CDH20: variants seen among roughly 807,000 people sequenced by gnomAD.
CDH20 encodes the protein cadherin-20.
In CDH20, 29 loss-of-function variants were observed where a neutral mutation model predicts 74.2. The observed-to-expected ratio is 0.39, with a 90% confidence interval of 0.29 to 0.53. The LOEUF (loss-of-function observed/expected upper bound fraction) is 0.53. Among genes scored for constraint, CDH20 ranks in the 20% least tolerant of loss-of-function variants. The pLI, the probability that CDH20 is intolerant of heterozygous loss-of-function variation, is 0.69. For missense variants in CDH20, 988 were observed against 1,048.3 expected, an observed-to-expected ratio of 0.94 and a Z score of 0.79; for synonymous variants, 469 against 405.4, an observed-to-expected ratio of 1.16 and a Z score of -1.88.
At chr18:61,350,983 C>T (rs776618756) in intron 1 of CDH20, among the ~76,000 whole-genome samples, 2 of 152,174 alleles carry the variant, frequency 1.3e-5, no homozygotes, top group Non-Finnish European at 1.5e-5. Flanking sequence ...GACACATTAG[C>T]GTCTTCCAGT....
chr18:61,334,026 G>T lies in CDH20; in HGVS notation c.-153+199G>T, dbSNP rs577808186. Reference sequence around the variant, plus strand: ...TTCCTCGGACTTAGTGGGAGAAGGGGTTGGAAATGGGCTGCCGGGACTGGG... The same window carrying T: ...TTCCTCGGACTTAGTGGGAGAAGGGTTTGGAAATGGGCTGCCGGGACTGGG... On this transcript the variant is annotated intron_variant, in intron 1 of 11. Transcript: ENST00000262717. 2.0e-5 allele frequency among the ~76,000 whole-genome samples: 3 copies of T among 152,306 alleles called. No homozygotes were observed. The East Asian group carries it at 5.8e-4, about 30-fold the overall frequency.
At chr18:61,347,315 TATATAC>T (rs1391802161) in intron 1 of CDH20, among the ~76,000 whole-genome samples, 1,174 of 55,766 alleles carry the variant, frequency 0.021, 4 homozygotes, top group Middle Eastern at 0.041. Context: ...TATATATATA[TATATAC>T]ACACACACAC....
At chr18:61,456,649 TA>T (rs574488237) in intron 1 of CDH20, among the ~76,000 whole-genome samples, 21 of 147,602 alleles carry the variant, frequency 1.4e-4, no homozygotes, top group East Asian at 9.8e-4. Flanking sequence ...CACTTTATCT[TA>T]AAAAAAAAAC....
At chr18:61,425,621 G>A (rs1415558760) in intron 1 of CDH20, among the ~76,000 whole-genome samples, 2 of 152,148 alleles carry the variant, frequency 1.3e-5, no homozygotes, top group Non-Finnish European at 1.5e-5. Context: ...ACCAAATATT[G>A]TATGTTCTCA....
intron 1 of CDH20, among the ~76,000 whole-genome samples, chr18:61,472,759 G>A (rs887822737): frequency 5.9e-5 from 9 of 152,164 alleles, no homozygotes; most frequent in Non-Finnish European, 1.3e-4. Flanking sequence ...ACTAGTGCCC[G>A]TTAAAATTCC....
intron 1 of CDH20, among the ~76,000 whole-genome samples, chr18:61,477,026 A>T (rs150458653): frequency 1.0e-3 from 158 of 152,300 alleles, no homozygotes; most frequent in East Asian, 2.9e-3. Context: ...AGGTGGTTCC[A>T]GTTACTAAAC....
chr18:61,539,193 G>A (rs369356783), intron 9 of CDH20, 48 bp downstream of exon 9: 6 of 1,594,524 alleles, frequency 3.8e-6, no homozygotes, highest in Non-Finnish European at 3.4e-6. Flanking sequence ...CTAACTTCTG[G>A]AAACAATTGT....
At chr18:61,404,970 ATAT>A (rs1441216341) in intron 1 of CDH20, 1 of 711,058 alleles carries the variant, frequency 1.4e-6, no homozygotes, top group Non-Finnish European at 2.6e-6. Flanking sequence ...GCCCAGTTCA[ATAT>A]TATTGCCACT....
chr18:61,553,693 TATG>T (rs1307498373), intron 11 of CDH20, among the ~76,000 whole-genome samples: 2 of 152,348 alleles, frequency 1.3e-5, no homozygotes, highest in Admixed American at 6.5e-5. Flanking sequence ...CATATTAAGA[TATG>T]ATTATATACA....
At chr18:61,439,452 T>C (rs1908951141) in intron 1 of CDH20, among the ~76,000 whole-genome samples, 1 of 152,136 alleles carries the variant, frequency 6.6e-6, no homozygotes, top group South Asian at 2.1e-4. Context: ...AAGCAATGTC[T>C]AGATTCTGAA....
intron 1 of CDH20, among the ~76,000 whole-genome samples, chr18:61,471,679 T>A (rs1910182376): frequency 6.6e-6 from 1 of 152,150 alleles, no homozygotes; most frequent in African/African-American, 2.4e-5. Context: ...TTGGAAAAAG[T>A]GAACTACAAT....
chr18:61,502,835 G>C lies in CDH20; in HGVS notation c.662-118G>C, dbSNP rs981156764. ...TTTTACCTCAAATTTAAAAGCACAG[G>C]TGACTTGCACCTCACTTCTAGGCAT... On this transcript the variant is annotated intron_variant, in intron 4 of 11. Coordinates refer to ENST00000262717, the MANE Select transcript of CDH20 (RefSeq NM_031891.4). The C allele has an allele frequency of 4.1e-6, 3 of 723,784 alleles. No homozygotes were observed. The African/African-American group carries it at 5.4e-5, about 13-fold the overall frequency. The allele number at this position is 723,784 out of a possible 1,614,324, so 44.8% of individuals were successfully genotyped here.
In CDH20 at chr18:61,380,234, G is replaced by A. The variant is rs117939939; in HGVS notation, c.-153+46407G>A. Among the ~76,000 whole-genome samples, 221 of 152,272 alleles carry A rather than the reference G, an allele frequency of 1.5e-3. 3 individuals carry two copies. The highest frequency in any genetic ancestry group is 0.012 in the East Asian group (64 of 5,180). Reference sequence around the variant, plus strand: ...TAGCTTTGAGCTTGCAAAAACTAAAGTGAAATCAGTGTATTTTCAGGAGTT... The same window carrying A: ...TAGCTTTGAGCTTGCAAAAACTAAAATGAAATCAGTGTATTTTCAGGAGTT... On this transcript the variant is annotated intron_variant, in intron 1 of 11. Coordinates refer to ENST00000262717, the MANE Select transcript of CDH20 (RefSeq NM_031891.4).
At position 61,353,749 on chromosome 18, in the gene CDH20, G is replaced by A. The variant is rs144434474; in HGVS notation, c.-153+19922G>A. ...CAGCAGCTACTAACTACACAAGGAC[G>A]TTCAGCTTTAAACTTATGTTAATAA... is the stretch of plus-strand genomic sequence containing the variant. On this transcript the variant is annotated intron_variant, in intron 1 of 11. Coordinates refer to ENST00000262717, the MANE Select transcript of CDH20 (RefSeq NM_031891.4). This position sits in a 1 kb window ranked among gnomAD's most constrained non-coding sequence, Gnocchi z 4.6. Among the ~76,000 whole-genome samples, 689 of 152,152 alleles carry A rather than the reference G, an allele frequency of 4.5e-3. 7 individuals are homozygous for A. Among genetic ancestry groups the A allele is most frequent in the Middle Eastern group, 0.017 (5 of 294 alleles).
chr18:61,519,134 A>C (rs1599142222), intron 6 of CDH20, among the ~76,000 whole-genome samples: 1 of 151,520 alleles, frequency 6.6e-6, no homozygotes, highest in East Asian at 1.9e-4. Context: ...AAAAGACCAA[A>C]CCTACATTTG....
At chr18:61,342,894 C>T (rs968896949) in intron 1 of CDH20, among the ~76,000 whole-genome samples, 2 of 152,066 alleles carry the variant, frequency 1.3e-5, no homozygotes, top group African/African-American at 4.8e-5. Context: ...AGTCAACATG[C>T]CTTCATTAAG....
chr18:61,407,880 C>A (rs1404940204), intron 1 of CDH20, among the ~76,000 whole-genome samples: 1 of 152,074 alleles, frequency 6.6e-6, no homozygotes, highest in African/African-American at 2.4e-5. Flanking sequence ...TGGATTGTAT[C>A]CTGGACCAGA....
intron 6 of CDH20, among the ~76,000 whole-genome samples, chr18:61,508,880 G>GC (rs757824267): frequency 2.0e-5 from 3 of 152,128 alleles, no homozygotes; most frequent in East Asian, 1.9e-4. Flanking sequence ...CAGGCAATCT[G>GC]CCCCCCTCAG....
intron 5 of CDH20, among the ~76,000 whole-genome samples, chr18:61,505,470 G>T (rs1248995724): frequency 6.6e-6 from 1 of 151,110 alleles, no homozygotes; most frequent in Non-Finnish European, 1.5e-5. Context: ...TGAATAGCCA[G>T]AACTACAGGT....
Sources: allele counts gnomAD v4.1 joint callset (sites outside exome capture counted in the v4.1 genomes callset), GRCh38; gene constraint gnomAD v4.1.1; non-coding constraint Gnocchi (gnomAD v3.1); transcripts MANE v1.5; gene names NCBI Gene and HGNC (gene_info 2026-07-23, HGNC 2026-07-21).